The following WASF2 variants were observed in gnomAD, a reference collection of about 807,000 sequenced individuals.
WASF2 encodes actin-binding protein WASF2.
Under a neutral mutation model 45.0 loss-of-function variants are expected in WASF2, and 14 were observed. The ratio of observed to expected loss-of-function variants is 0.31; its 90% CI spans 0.21 to 0.49. WASF2 has a LOEUF of 0.49. Ranked by LOEUF, WASF2 falls within the 20% of genes least tolerant of loss-of-function variation. The pLI, the probability that WASF2 is intolerant of heterozygous loss-of-function variation, is 0.99. For missense variants in WASF2, 439 were observed against 636.1 expected, an observed-to-expected ratio of 0.69 and a Z score of 3.33; for synonymous variants, 200 against 236.3, an observed-to-expected ratio of 0.85 and a Z score of 1.41.
At chr1:27,408,449 G>A (rs2016710721) in intron 8 of WASF2, 103 bp from the exon 9 acceptor site, 5 of 1,444,294 alleles carry the variant, frequency 3.5e-6, no homozygotes, top group Non-Finnish European at 3.7e-6. Flanking sequence ...AAGTGGTATT[G>A]GAAAGGATAG....
chr1:27,404,544 G>A lies in WASF2; in HGVS notation c.*3645C>T, dbSNP rs1352944377. 4 of 152,060 alleles carry A rather than the reference G, an allele frequency of 2.6e-5. No homozygotes were observed. The highest frequency in any genetic ancestry group is 5.9e-5 in the Non-Finnish European group (4 of 68,006). 9.4% of individuals were successfully genotyped at this position (152,060 alleles called of 1,614,324 possible). On this transcript the variant is annotated 3_prime_UTR_variant, in exon 9 of 9. Coordinates refer to ENST00000618852, the MANE Select transcript of WASF2 (RefSeq NM_006990.5). Reference sequence around the variant, plus strand: ...AGGGGAAGAGTGCCTGTTTTCAAACGGCATCCCTACTACACATATACCCCC... The same window carrying A: ...AGGGGAAGAGTGCCTGTTTTCAAACAGCATCCCTACTACACATATACCCCC...
At chr1:27,408,394 G>A (rs374257970) in intron 8 of WASF2, 48 bp from the exon 9 acceptor site, 3 of 1,611,398 alleles carry the variant, frequency 1.9e-6, no homozygotes, top group Non-Finnish European at 2.5e-6. Context: ...CCTCAGCCTT[G>A]GAATCCATCT....
At chr1:27,440,625 G>C (rs979235263) in intron 1 of WASF2, among the ~76,000 whole-genome samples, 2 of 152,114 alleles carry the variant, frequency 1.3e-5, no homozygotes, top group African/African-American at 4.8e-5. Flanking sequence ...ATGTTACCTA[G>C]GCTGAAATTT....
chr1:27,473,696 A>G (rs1320281833), intron 1 of WASF2, among the ~76,000 whole-genome samples: 5 of 152,354 alleles, frequency 3.3e-5, no homozygotes, highest in Middle Eastern at 3.4e-3. Context: ...CACAAAAAAC[A>G]TCACCAAACT....
chr1:27,426,152 G>A (rs2016977901), intron 2 of WASF2, among the ~76,000 whole-genome samples: 1 of 152,224 alleles, frequency 6.6e-6, no homozygotes, highest in African/African-American at 2.4e-5. Context: ...GTGAGGAAGA[G>A]GGGAGAGAAA....
chr1:27,412,852 T>A, intron 6 of WASF2, 125 bp from the exon 7 acceptor site: 2 of 1,047,958 alleles, frequency 1.9e-6, no homozygotes, highest in Middle Eastern at 2.2e-4. Context: ...ATAGGTATAT[T>A]TCCCACATAT....
At chr1:27,413,699 C>T (rs1026258081) in intron 6 of WASF2, among the ~76,000 whole-genome samples, 1 of 152,190 alleles carries the variant, frequency 6.6e-6, no homozygotes, top group Non-Finnish European at 1.5e-5. Flanking sequence ...CATCTTCCTA[C>T]TCCACAAAAA....
chr1:27,473,567 A>G (rs2017723619), intron 1 of WASF2, among the ~76,000 whole-genome samples: 1 of 152,104 alleles, frequency 6.6e-6, no homozygotes, highest in Admixed American at 6.6e-5. Flanking sequence ...GTAAGTCCTC[A>G]CTTAACTCAT....
intron 1 of WASF2, among the ~76,000 whole-genome samples, chr1:27,485,862 C>T (rs968054396): frequency 6.6e-6 from 1 of 152,170 alleles, no homozygotes; most frequent in Non-Finnish European, 1.5e-5. Context: ...CAGGCGTGCA[C>T]CACCACACCC....
rs2016736326 is a variant in WASF2, at chr1:27,409,839, G to A, written c.1192C>T (p.Pro398Ser). 3 of 1,549,486 alleles carry A rather than the reference G, an allele frequency of 1.9e-6. No individual in the cohort carries two copies. Among genetic ancestry groups the A allele is most frequent in the Non-Finnish European group, 2.6e-6 (3 of 1,145,118 alleles). ...GGGGGAGGAGGGGGCCCCGGAGGAG[G>A]AGGAGGAGGGGGAGGAGGAGGTGCT... Reference protein sequence around the residue: ...GGAPPPPPPPPPPGPPPPPFT... With the variant: ...GGAPPPPPPPSPPGPPPPPFT... The change falls in exon 8 of 9, where the codon CCT becomes TCT. Residue 398 changes from proline (P) to serine (S), a missense_variant. Pro to Ser is a moderately conservative substitution (Grantham distance 74). Around this residue, in one of 5 missense-constraint regions of WASF2, gnomAD observed 286 missense variants for 373.5 expected, o/e 0.77. Coordinates refer to ENST00000618852, the MANE Select transcript of WASF2 (RefSeq NM_006990.5).
chr1:27,441,981 T>C (rs1393023101), intron 1 of WASF2, among the ~76,000 whole-genome samples: 1 of 147,600 alleles, frequency 6.8e-6, no homozygotes, highest in African/African-American at 2.5e-5. Context: ...TGGTGTGCAC[T>C]TGTAGTCCCA....
chr1:27,432,365 T>C (rs2017076218), intron 1 of WASF2, among the ~76,000 whole-genome samples: 1 of 151,934 alleles, frequency 6.6e-6, no homozygotes, highest in Non-Finnish European at 1.5e-5. Context: ...AAGGCAGTTA[T>C]AGGCCGGGCG....
chr1:27,464,001 C>T (rs1278439466), intron 1 of WASF2, among the ~76,000 whole-genome samples: 1 of 151,556 alleles, frequency 6.6e-6, no homozygotes, highest in Non-Finnish European at 1.5e-5. Flanking sequence ...GAACTCCTGA[C>T]CTCAGGTGAT....
At chr1:27,467,215 CAA>C (rs59404190) in intron 1 of WASF2, among the ~76,000 whole-genome samples, 2,356 of 84,756 alleles carry the variant, frequency 0.028, 54 homozygotes, top group African/African-American at 0.079. Context: ...GACCTTGTCT[CAA>C]AAAAAAAAAA....
At chr1:27,442,725 G>A (rs957118172) in intron 1 of WASF2, among the ~76,000 whole-genome samples, 4 of 151,408 alleles carry the variant, frequency 2.6e-5, no homozygotes, top group African/African-American at 9.7e-5. Flanking sequence ...CCAAAGGGCC[G>A]GGCGTGGTGG....
chr1:27,486,897 C>T (rs2017935160), intron 1 of WASF2, among the ~76,000 whole-genome samples: 2 of 150,162 alleles, frequency 1.3e-5, no homozygotes, highest in African/African-American at 4.9e-5. Flanking sequence ...GCCCTCCAGC[C>T]TGGGTGACTG....
At chr1:27,417,472 C>T (rs1185868425) in intron 4 of WASF2, among the ~76,000 whole-genome samples, 2 of 152,240 alleles carry the variant, frequency 1.3e-5, no homozygotes, top group African/African-American at 2.4e-5. Context: ...CACACACACA[C>T]TCTACCTTGC....
chr1:27,434,104 G>C (rs2017100782), intron 1 of WASF2, among the ~76,000 whole-genome samples: 1 of 152,200 alleles, frequency 6.6e-6, no homozygotes, highest in Non-Finnish European at 1.5e-5. Flanking sequence ...AAGTTACAGG[G>C]AAGTAGATTT....
chr1:27,470,358 G>A (rs750546487), intron 1 of WASF2, among the ~76,000 whole-genome samples: 13 of 152,174 alleles, frequency 8.5e-5, no homozygotes, highest in Non-Finnish European at 1.6e-4. Context: ...AATGGAGCTG[G>A]GGAGGGGGAT....
Sources: allele counts gnomAD v4.1 joint callset (sites outside exome capture counted in the v4.1 genomes callset), GRCh38; gene constraint gnomAD v4.1.1; regional missense constraint gnomAD v4.1.1; transcripts MANE v1.5; gene names NCBI Gene and HGNC (gene_info 2026-07-23, HGNC 2026-07-21).